CCDC73: variants seen among roughly 807,000 people sequenced by gnomAD.
CCDC73 encodes coiled-coil domain-containing protein 73.
Under a neutral mutation model 116.5 loss-of-function variants are expected in CCDC73, and 95 were observed. That is an observed-to-expected ratio of 0.82 (90% CI 0.69 to 0.97). The LOEUF is 0.97. CCDC73 is among the 50% of genes least tolerant of loss of function. The probability of loss-of-function intolerance (pLI) is 0.00; values close to 1 mark genes in which losing one functional copy is unlikely to be tolerated. For missense variants in CCDC73, 1,066 were observed against 1,206.8 expected (o/e 0.88, Z 1.73); for synonymous variants, 398 against 401.3 (o/e 0.99, Z 0.10).
intron 2 of CCDC73, among the ~76,000 whole-genome samples, chr11:32,744,332 G>C (rs751378675): frequency 6.6e-6 from 1 of 152,120 alleles, no homozygotes; most frequent in African/African-American, 2.4e-5. Context: ...GAGGATTTTC[G>C]CACTGATGTT....
At chr11:32,758,536 C>G in intron 2 of CCDC73, 1 of 454,070 alleles carries the variant, frequency 2.2e-6, no homozygotes, top group Non-Finnish European at 4.4e-6. Flanking sequence ...ATGACAGGAT[C>G]AAACATGCTT....
In CCDC73 at chr11:32,766,724, C is replaced by T. The variant is rs549249578; in HGVS notation, c.-15-6466G>A. Among the ~76,000 whole-genome samples the T allele has an allele frequency of 6.6e-5, 10 of 152,254 alleles. 1 individual carries two copies. The South Asian group carries it at 1.5e-3, about 22-fold the overall frequency. On this transcript the variant is annotated intron_variant, in intron 1 of 17. Coordinates refer to ENST00000335185, the MANE Select transcript of CCDC73 (RefSeq NM_001008391.4). ...ATGAGTGAACTCCCATTCACAATTGCTTCAAAGAGAATAAAATACCTAGGA... is the reference window on the plus strand; with the variant it reads ...ATGAGTGAACTCCCATTCACAATTGTTTCAAAGAGAATAAAATACCTAGGA...
chr11:32,762,980 C>G (rs548030750), intron 1 of CCDC73, among the ~76,000 whole-genome samples: 13 of 152,322 alleles, frequency 8.5e-5, no homozygotes, highest in African/African-American at 3.1e-4. Context: ...GGGTCCCACA[C>G]CCATGGAGCC....
At chr11:32,784,633 T>C (rs1391164957) in intron 1 of CCDC73, among the ~76,000 whole-genome samples, 1 of 152,212 alleles carries the variant, frequency 6.6e-6, no homozygotes, top group Non-Finnish European at 1.5e-5. Context: ...TGGAAGTAAA[T>C]GTCTAAAGTA....
At chr11:32,770,992 C>A (rs1850488796) in intron 1 of CCDC73, among the ~76,000 whole-genome samples, 1 of 152,096 alleles carries the variant, frequency 6.6e-6, no homozygotes, top group Admixed American at 6.6e-5. Flanking sequence ...TGGAAAAATT[C>A]AAGGCAGCCT....
chr11:32,823,917 CAG>C, the CCDC73 span, among the ~76,000 whole-genome samples: 1 of 152,016 alleles, frequency 6.6e-6, no homozygotes, highest in African/African-American at 2.4e-5. Context: ...TGTTTTGAGA[CAG>C]AGTCTCGTTC....
intron 9 of CCDC73, among the ~76,000 whole-genome samples, chr11:32,659,047 A>G (rs1855898961): frequency 6.6e-6 from 1 of 152,254 alleles, no homozygotes; most frequent in African/African-American, 2.4e-5. Context: ...AATACAAATT[A>G]TTAAGCCTGA....
intron 1 of CCDC73, among the ~76,000 whole-genome samples, chr11:32,773,677 G>A (rs1296262435): frequency 6.6e-6 from 1 of 151,952 alleles, no homozygotes; most frequent in Non-Finnish European, 1.5e-5. Context: ...TTACTTGGGA[G>A]GCTGAGGTTG....
intron 9 of CCDC73, among the ~76,000 whole-genome samples, chr11:32,659,544 G>A (rs1478987219): frequency 1.3e-5 from 2 of 152,066 alleles, no homozygotes; most frequent in South Asian, 2.1e-4. Context: ...AAGAGTAGAC[G>A]ACCTTGGAAA....
Position 32,614,519 on chromosome 11 carries a change from G to A in CCDC73, c.1799C>T (p.Pro600Leu), listed in dbSNP as rs769472043. Reference protein sequence around the residue: ...NNNKDVSENEPFKQFRLLPGT... With the variant: ...NNNKDVSENELFKQFRLLPGT... ...TGGAAGCAATCTGAATTGTTTGAAT[G>A]GCTCATTTTCAGAAACATCTTTATT... The change falls in exon 16 of 18, where the codon CCA becomes CTA. Residue 600 changes from proline (P) to leucine (L), a missense_variant. Transcript: ENST00000335185. 6.2e-7 allele frequency: 1 copy of A among 1,613,058 alleles called. No individual in the cohort carries two copies. Among genetic ancestry groups the A allele is most frequent in the South Asian group, 1.1e-5 (1 of 91,026 alleles).
At position 32,736,237 on chromosome 11, in the gene CCDC73, A is replaced by G. The variant is rs1268001862; in HGVS notation, c.136-18090T>C. Among the ~76,000 whole-genome samples the G allele has an allele frequency of 7.5e-3, 1,137 of 152,104 alleles. 14 individuals are homozygous for G. Among genetic ancestry groups the G allele is most frequent in the African/African-American group, 0.026 (1,069 of 41,428 alleles). ...AGTGAACAGGCAACCTACAGAATGGAAGAAAATTTTTGCAATCTACTCATC... is the reference window on the plus strand; with the variant it reads ...AGTGAACAGGCAACCTACAGAATGGGAGAAAATTTTTGCAATCTACTCATC... On this transcript the variant is annotated intron_variant, in intron 2 of 17. Coordinates refer to ENST00000335185, the MANE Select transcript of CCDC73 (RefSeq NM_001008391.4).
At chr11:32,652,363 C>T (rs550072598) in intron 12 of CCDC73, among the ~76,000 whole-genome samples, 14 of 150,906 alleles carry the variant, frequency 9.3e-5, no homozygotes, top group East Asian at 7.7e-4. Context: ...AAAAGAAATA[C>T]GTGCCAACCA....
At chr11:32,827,704 G>A in the CCDC73 span, among the ~76,000 whole-genome samples, 2 of 152,138 alleles carry the variant, frequency 1.3e-5, no homozygotes, top group Non-Finnish European at 2.9e-5. Flanking sequence ...ACTCCCCTGG[G>A]TACTGTCGAG....
intron 17 of CCDC73, among the ~76,000 whole-genome samples, chr11:32,608,023 G>C (rs1365026029): frequency 2.0e-5 from 3 of 151,656 alleles, no homozygotes; most frequent in East Asian, 3.9e-4. Flanking sequence ...GGAAAGACCG[G>C]CCCCCCCCAC....
upstream of CCDC73, among the ~76,000 whole-genome samples, chr11:32,795,340 G>A (rs372046297): frequency 2.6e-5 from 4 of 151,754 alleles, no homozygotes; most frequent in East Asian, 1.9e-4. Context: ...GCATGGTGGC[G>A]TGCGGCTGTA....
At chr11:32,787,881 G>A (rs2133404080) in intron 1 of CCDC73, among the ~76,000 whole-genome samples, 1 of 152,188 alleles carries the variant, frequency 6.6e-6, no homozygotes, top group South Asian at 2.1e-4. Context: ...ACTCCATCAG[G>A]ACCTTTTATA....
intron 2 of CCDC73, among the ~76,000 whole-genome samples, chr11:32,718,356 G>C (rs1360825438): frequency 6.6e-6 from 1 of 152,158 alleles, no homozygotes; most frequent in African/African-American, 2.4e-5. Flanking sequence ...AGAGACAGGT[G>C]CCTAGAGAAA....
chr11:32,671,398 CAAAAAAAAAAA>C (rs58075036), intron 9 of CCDC73, among the ~76,000 whole-genome samples: 1 of 122,420 alleles, frequency 8.2e-6, no homozygotes, highest in African/African-American at 3.0e-5. Flanking sequence ...AACTTTGCTC[CAAAAAAAAAAA>C]AAAAAAAAGA....
At chr11:32,651,607 C>T (rs944530576) in intron 12 of CCDC73, among the ~76,000 whole-genome samples, 1 of 152,176 alleles carries the variant, frequency 6.6e-6, no homozygotes. Flanking sequence ...AGGATTCAAG[C>T]CCCTAGCACA....
Sources: gnomAD v4.1 joint callset for allele counts (sites outside exome capture counted in the v4.1 genomes callset) on GRCh38, gnomAD v4.1.1 for gene constraint, MANE v1.5 for transcripts, NCBI Gene and HGNC (gene_info 2026-07-23, HGNC 2026-07-21) for gene names.